The following TPTE2 variants were observed in gnomAD, a reference collection of about 807,000 sequenced individuals.
TPTE2 encodes the protein phosphatidylinositol 3,4,5-trisphosphate 3-phosphatase TPTE2.
Under a neutral mutation model 78.6 loss-of-function variants are expected in TPTE2, and 53 were observed. That is an observed-to-expected ratio of 0.67 (90% confidence interval 0.54 to 0.85). The LOEUF (loss-of-function observed/expected upper bound fraction) is 0.85. Among genes scored for constraint, TPTE2 ranks in the 40% least tolerant of loss-of-function variants. The pLI is 0.00. For missense variants in TPTE2, 461 were observed against 623.0 expected, an observed-to-expected ratio of 0.74 and a Z score of 2.77; for synonymous variants, 175 against 206.2, an observed-to-expected ratio of 0.85 and a Z score of 1.30.
At chr13:19,517,583 T>C (rs1210308074) in intron 1 of TPTE2, among the ~76,000 whole-genome samples, 4 of 152,148 alleles carry the variant, frequency 2.6e-5, no homozygotes, top group Admixed American at 6.5e-5. Context: ...CTGATGAGGA[T>C]GAGAGGACAG....
intron 10 of TPTE2, among the ~76,000 whole-genome samples, chr13:19,452,997 TTTATTTTATTTTATG>T (rs71092358): frequency 0.28 from 38,561 of 137,172 alleles, 6,086 homozygotes; most frequent in African/African-American, 0.44. Context: ...TTTATTTTAT[TTTATTTTATTTTATG>T]TTATTTTATG....
chr13:19,438,852 A>C (rs1877292829), intron 13 of TPTE2, among the ~76,000 whole-genome samples: 1 of 152,194 alleles, frequency 6.6e-6, no homozygotes, highest in South Asian at 2.1e-4. Flanking sequence ...AGCCCTCAGG[A>C]CAGCATTCGA....
At chr13:19,557,627 G>A in the TPTE2 span, among the ~76,000 whole-genome samples, 1 of 152,166 alleles carries the variant, frequency 6.6e-6, no homozygotes, top group East Asian at 1.9e-4. Context: ...TTATTCTTTA[G>A]TCTCTCGACG....
intron 3 of TPTE2, among the ~76,000 whole-genome samples, chr13:19,488,048 G>A (rs990721487): frequency 3.3e-5 from 5 of 152,180 alleles, no homozygotes; most frequent in African/African-American, 1.2e-4. Context: ...GGCAGAAGGG[G>A]CTGCACAGGC....
chr13:19,464,495 T>C (rs1384522431), exon 10 of TPTE2: 3 of 1,613,014 alleles, frequency 1.9e-6, no homozygotes, highest in African/African-American at 2.7e-5. Flanking sequence ...TTCCAGAAGA[T>C]GGAAATGACA....
intron 10 of TPTE2, among the ~76,000 whole-genome samples, chr13:19,457,704 G>T (rs953917533): frequency 2.6e-5 from 4 of 152,046 alleles, no homozygotes; most frequent in African/African-American, 9.7e-5. Context: ...ATGTAATCTT[G>T]TTCCTTTTTA....
intron 4 of TPTE2, among the ~76,000 whole-genome samples, chr13:19,481,655 T>G (rs1405693965): frequency 6.6e-6 from 1 of 152,362 alleles, no homozygotes; most frequent in Admixed American, 6.5e-5. Flanking sequence ...CTAATTTTGT[T>G]TCGGCCCTGG....
chr13:19,507,324 A>AC (rs1555255242), upstream of TPTE2, among the ~76,000 whole-genome samples: 78 of 150,988 alleles, frequency 5.2e-4, no homozygotes, highest in African/African-American at 1.1e-3. Flanking sequence ...AAAAAAAAAA[A>AC]ACACATGCAA....
At chr13:19,463,982 C>T (rs1241934083) in intron 10 of TPTE2, among the ~76,000 whole-genome samples, 3 of 152,058 alleles carry the variant, frequency 2.0e-5, no homozygotes, top group Non-Finnish European at 4.4e-5. Context: ...CATATGGTGG[C>T]TCTGCTGGTG....
intron 15 of TPTE2, among the ~76,000 whole-genome samples, chr13:19,435,567 AT>A (rs1203956561): frequency 1.3e-5 from 2 of 149,940 alleles, no homozygotes; most frequent in Non-Finnish European, 3.0e-5. Context: ...ATGATTAAAA[AT>A]TTCCATAACA....
chr13:19,542,334 C>T, the TPTE2 span, among the ~76,000 whole-genome samples: 1 of 152,148 alleles, frequency 6.6e-6, no homozygotes, highest in African/African-American at 2.4e-5. Flanking sequence ...GTCTCCTGCT[C>T]AGGGTCTCAC....
At chr13:19,433,385 T>C (rs534589420) in intron 15 of TPTE2, among the ~76,000 whole-genome samples, 1 of 152,178 alleles carries the variant, frequency 6.6e-6, no homozygotes, top group South Asian at 2.1e-4. Context: ...GCACCTATAA[T>C]CCCAGCACTC....
upstream of TPTE2, among the ~76,000 whole-genome samples, chr13:19,504,147 C>T (rs562687741): frequency 2.6e-4 from 40 of 152,192 alleles, no homozygotes; most frequent in African/African-American, 9.1e-4. Flanking sequence ...ATATATGTAT[C>T]GTCCAACACC....
At chr13:19,425,584 T>C (rs1875975468) in intron 18 of TPTE2, 1 of 345,440 alleles carries the variant, frequency 2.9e-6, no homozygotes, top group Non-Finnish European at 5.7e-6. Flanking sequence ...CAGACCCCCA[T>C]ACTCCGCAGG....
In TPTE2 at chr13:19,448,797, A is replaced by G. The variant is rs548239373; in HGVS notation, c.973+1279T>C. ...AATAGAACTACCATATGATTTGGAG[A>G]TTCCACTTCTGGGTATATATCCAAA... On this transcript the variant is annotated intron_variant, in intron 13 of 19. Transcript: ENST00000400230. Among the ~76,000 whole-genome samples, 139 of 152,340 alleles carry G rather than the reference A, an allele frequency of 9.1e-4. 1 individual carries two copies. Among genetic ancestry groups the G allele is most frequent in the Non-Finnish European group, 1.8e-3 (120 of 68,030 alleles).
chr13:19,506,396 A>C (rs1485939615), upstream of TPTE2, among the ~76,000 whole-genome samples: 1 of 151,136 alleles, frequency 6.6e-6, no homozygotes, highest in Non-Finnish European at 1.5e-5. Context: ...GATGGTCTCG[A>C]TCTCCTGACC....
At chr13:19,499,311 T>G (rs1286785238) in intron 1 of TPTE2, among the ~76,000 whole-genome samples, 1 of 152,084 alleles carries the variant, frequency 6.6e-6, no homozygotes, top group Non-Finnish European at 1.5e-5. Context: ...AATAGACATC[T>G]ACAGAACTCT....
chr13:19,513,655 T>G (rs1869604819), intron 1 of TPTE2, among the ~76,000 whole-genome samples: 1 of 152,238 alleles, frequency 6.6e-6, no homozygotes, highest in Non-Finnish European at 1.5e-5. Flanking sequence ...GTAAATCTAT[T>G]ATTTGGCACC....
chr13:19,466,029 C>G (rs1466736593), intron 7 of TPTE2, among the ~76,000 whole-genome samples: 8 of 152,156 alleles, frequency 5.3e-5, no homozygotes, highest in Non-Finnish European at 1.2e-4. Context: ...CCATGAGTAA[C>G]AGATGTTCAC....
Sources: allele counts gnomAD v4.1 joint callset (sites outside exome capture counted in the v4.1 genomes callset), GRCh38; gene constraint gnomAD v4.1.1; transcripts MANE v1.5; gene names NCBI Gene and HGNC (gene_info 2026-07-23, HGNC 2026-07-21).